The following SLC14A2 variants were observed in gnomAD, a reference collection of about 807,000 sequenced individuals.
SLC14A2 encodes urea transporter 2.
In SLC14A2, 91 loss-of-function variants were observed where a neutral mutation model predicts 104.6. The observed-to-expected ratio is 0.87, with a 90% confidence interval of 0.73 to 1.04. The LOEUF is 1.04. Among genes scored for constraint, SLC14A2 ranks in the 50% least tolerant of loss-of-function variants. The pLI is 0.00. For synonymous variants in SLC14A2, 476 were observed against 466.4 expected (o/e 1.02, Z -0.27); for missense variants, 1,189 against 1,156.0 (o/e 1.03, Z -0.41).
At chr18:45,600,606 G>A (rs1157655850) in intron 2 of SLC14A2, among the ~76,000 whole-genome samples, 1 of 152,262 alleles carries the variant, frequency 6.6e-6, no homozygotes, top group East Asian at 1.9e-4. Flanking sequence ...GCACACCTCT[G>A]CACAGAGAGC....
chr18:45,384,593 G>T (rs952090137), intron 1 of SLC14A2, among the ~76,000 whole-genome samples: 5 of 152,164 alleles, frequency 3.3e-5, no homozygotes, highest in Non-Finnish European at 7.4e-5. Context: ...AGGCACTGCT[G>T]CCCTCTGCTG....
At chr18:45,644,743 C>A (rs1035784682) in intron 10 of SLC14A2, among the ~76,000 whole-genome samples, 5 of 152,040 alleles carry the variant, frequency 3.3e-5, no homozygotes, top group African/African-American at 1.2e-4. Flanking sequence ...TTGTAAGGGG[C>A]AAGGCGATAT....
At chr18:45,515,207 G>A (rs1409736022) in intron 2 of SLC14A2, among the ~76,000 whole-genome samples, 1 of 152,224 alleles carries the variant, frequency 6.6e-6, no homozygotes, top group African/African-American at 2.4e-5. Flanking sequence ...GACTTCAAGT[G>A]TTTGTAATAC....
intron 1 of SLC14A2, among the ~76,000 whole-genome samples, chr18:45,413,548 G>A (rs927365140): frequency 1.3e-5 from 2 of 152,062 alleles, no homozygotes; most frequent in Admixed American, 1.3e-4. Flanking sequence ...GACTTTCAGT[G>A]TGGCACTCTT....
Position 45,600,897 on chromosome 18 carries a change from G to T in SLC14A2, c.-34-23734G>T, listed in dbSNP as rs114408544. ...GTTTATACAGGGCCATATGCAAATT[G>T]CACTTGTTGCAGGTCCATGAAGCCA... On this transcript the variant is annotated intron_variant, in intron 2 of 20. Transcript: ENST00000586448. Among the ~76,000 whole-genome samples, 555 of 152,332 alleles carry T rather than the reference G, an allele frequency of 3.6e-3. 8 individuals carry two copies. Among genetic ancestry groups the T allele is most frequent in the African/African-American group, 0.013 (534 of 41,566 alleles).
rs564049523 is a variant in SLC14A2 at position 45,571,914 on chromosome 18, T to C, written c.-34-52717T>C. 3.3e-5 allele frequency among the ~76,000 whole-genome samples: 5 copies of C among 152,328 alleles called. No homozygotes were observed. In the East Asian group the frequency reaches 9.6e-4, roughly 29 times the overall value. ...TGTACCTACAGTTATACCTGCTTGC[T>C]CCTCCAGGGGCAGTGGTTCACTCCC... On this transcript the variant is annotated intron_variant, in intron 2 of 20. Coordinates refer to the SLC14A2 transcript ENST00000586448.
intron 1 of SLC14A2, among the ~76,000 whole-genome samples, chr18:45,245,306 G>A (rs1052873396): frequency 6.6e-6 from 1 of 152,130 alleles, no homozygotes; most frequent in Non-Finnish European, 1.5e-5. Flanking sequence ...AATGTAGCTG[G>A]AGATTTTCCC....
intron 10 of SLC14A2, among the ~76,000 whole-genome samples, chr18:45,652,042 AC>A (rs1309730072): frequency 6.6e-6 from 1 of 152,200 alleles, no homozygotes; most frequent in African/African-American, 2.4e-5. Context: ...GTTATATCAG[AC>A]CAGTGTGCAA....
intron 1 of SLC14A2, among the ~76,000 whole-genome samples, chr18:45,441,226 A>G (rs1342358009): frequency 1.3e-5 from 2 of 152,210 alleles, no homozygotes; most frequent in African/African-American, 4.8e-5. Context: ...GTAGTTTTAC[A>G]TAATTTTTCA....
chr18:45,219,581 A>G (rs1318160879), intron 1 of SLC14A2, among the ~76,000 whole-genome samples: 1 of 152,224 alleles, frequency 6.6e-6, no homozygotes, highest in Admixed American at 6.5e-5. Flanking sequence ...AGAAAGATGC[A>G]TTTGCAAAAT....
intron 1 of SLC14A2, among the ~76,000 whole-genome samples, chr18:45,388,378 A>C (rs2085924583): frequency 6.6e-6 from 1 of 152,102 alleles, no homozygotes; most frequent in African/African-American, 2.4e-5. Flanking sequence ...ATCTTAAATA[A>C]ACCAGGCACC....
rs192463261 is a variant in SLC14A2, at chr18:45,669,882, A to G, written c.2229+384A>G. On this transcript the variant is annotated intron_variant, in intron 16 of 19. Coordinates refer to ENST00000255226, the MANE Select transcript of SLC14A2 (RefSeq NM_007163.4). ...TGCGTTGTGCATTTTCTTTCATTCA[A>G]TCACACGGAATCATTCAAGTCGTAC... Among the ~76,000 whole-genome samples the G allele has an allele frequency of 3.9e-5, 6 of 152,334 alleles. No individual in the cohort carries two copies. The East Asian group carries it at 9.7e-4, about 25-fold the overall frequency.
intron 2 of SLC14A2, among the ~76,000 whole-genome samples, chr18:45,547,711 G>T (rs1445968907): frequency 5.3e-5 from 8 of 152,204 alleles, no homozygotes; most frequent in Non-Finnish European, 1.2e-4. Context: ...ATGATGAAAT[G>T]AGATGATCTT....
At chr18:45,548,670 C>T (rs1353426800) in intron 2 of SLC14A2, among the ~76,000 whole-genome samples, 1 of 152,220 alleles carries the variant, frequency 6.6e-6, no homozygotes, top group Non-Finnish European at 1.5e-5. Flanking sequence ...TGCCACTGCA[C>T]TCCAGCCTGG....
chr18:45,463,946 C>T (rs2087092130), intron 1 of SLC14A2, among the ~76,000 whole-genome samples: 1 of 152,138 alleles, frequency 6.6e-6, no homozygotes, highest in African/African-American at 2.4e-5. Flanking sequence ...TTAGCCCTGC[C>T]CACCCTATTT....
chr18:45,270,958 A>G (rs894260102), intron 1 of SLC14A2, among the ~76,000 whole-genome samples: 4 of 152,170 alleles, frequency 2.6e-5, no homozygotes, highest in African/African-American at 7.2e-5. Flanking sequence ...TTTTAAGCAG[A>G]TACAAATTTA....
intron 2 of SLC14A2, among the ~76,000 whole-genome samples, chr18:45,530,453 T>C (rs917301936): frequency 2.0e-5 from 3 of 152,302 alleles, no homozygotes; most frequent in Middle Eastern, 3.4e-3. Flanking sequence ...GTGTTGAATC[T>C]AGACAGGTTT....
chr18:45,624,882 C>A (rs943297577), intron 2 of SLC14A2, 68 bp downstream of exon 2: 1 of 1,487,546 alleles, frequency 6.7e-7, no homozygotes, highest in Non-Finnish European at 9.2e-7. Context: ...GCAAAAGATG[C>A]CGCTTTCCCA....
intron 2 of SLC14A2, chr18:45,492,997 T>A (rs1396864499): frequency 6.6e-6 from 1 of 152,208 alleles, no homozygotes; most frequent in Admixed American, 6.5e-5. Context: ...ATAGTTTTGG[T>A]TCTATATCTA....
Sources: gnomAD v4.1 joint callset for allele counts (sites outside exome capture counted in the v4.1 genomes callset) on GRCh38, gnomAD v4.1.1 for gene constraint, MANE v1.5 for transcripts, NCBI Gene and HGNC (gene_info 2026-07-23, HGNC 2026-07-21) for gene names.